The following PPOX variants were observed in gnomAD, a reference collection of about 807,000 sequenced individuals.
PPOX encodes variegate porphyria.
A neutral mutation model predicts 54.1 loss-of-function variants in PPOX; 23 were observed. The observed-to-expected ratio is 0.43, with a 90% confidence interval of 0.31 to 0.60. The LOEUF (loss-of-function observed/expected upper bound fraction) is 0.60, where lower values mean the gene tolerates loss of function less well. Among genes scored for constraint, PPOX ranks in the 20% least tolerant of loss-of-function variants. PPOX has a pLI of 0.13. For synonymous variants in PPOX, 224 were observed against 236.1 expected, an observed-to-expected ratio of 0.95 and a Z score of 0.47; for missense variants, 512 against 601.1, an observed-to-expected ratio of 0.85 and a Z score of 1.55.
intron 4 of PPOX, 120 bp from the exon 5 acceptor site, chr1:161,167,872 TTTC>T (rs1430957453): frequency 6.6e-7 from 1 of 1,510,152 alleles, no homozygotes; most frequent in Non-Finnish European, 9.2e-7. Flanking sequence ...CTGCCTTCCA[TTTC>T]TTCATCTCCC....
chr1:161,166,567 A>G lies in PPOX; in HGVS notation c.-114A>G, dbSNP rs1362096477. On this transcript the variant is annotated 5_prime_UTR_variant, in exon 1 of 13. In the 5' UTR this introduces an upstream ATG that the reference lacks. Transcript: ENST00000367999. ...CCGCCCGAGCCCTGCGAGGGCCGAT[A>G]GCGAGGGTGTGGCCCTTATCTGCAC... 7.1e-7 allele frequency: 1 copy of G among 1,403,378 alleles called. No individual in the cohort carries two copies. Among genetic ancestry groups the G allele is most frequent in the Non-Finnish European group, 9.3e-7 (1 of 1,079,280 alleles). 86.9% of individuals were successfully genotyped at this position (1,403,378 alleles called of 1,614,324 possible). A position where few individuals can be genotyped will look rare whatever the true frequency, so the allele number is the denominator to read the frequency against.
chr1:161,172,887 G>A (rs544892794), downstream of PPOX, among the ~76,000 whole-genome samples: 79 of 149,166 alleles, frequency 5.3e-4, no homozygotes, highest in Admixed American at 1.5e-3. Flanking sequence ...AAAAAAAAAC[G>A]AAAGAAAGAA....
rs781742044 is a variant in PPOX at position 161,170,522 on chromosome 1, G to A, written c.1098+3G>A. On this transcript the variant is annotated splice_donor_region_variant and intron_variant, in intron 10 of 12. Coordinates refer to ENST00000367999, the MANE Select transcript of PPOX (RefSeq NM_001122764.3). ...GCCCCCCTGGCCTCAGAGTGACTGT[G>A]AGGAGGAGGAAACTTTGCCTAGTGG... The A allele has an allele frequency of 2.5e-6, 4 of 1,614,080 alleles. No homozygotes were observed. The highest frequency in any genetic ancestry group is 2.7e-5 in the African/African-American group (2 of 74,946).
intron 6 of PPOX, 122 bp downstream of exon 6, chr1:161,168,698 C>A: frequency 7.4e-7 from 1 of 1,355,178 alleles, no homozygotes; most frequent in Non-Finnish European, 1.0e-6. Flanking sequence ...TGCTCTGCTG[C>A]CTAGGCTGGA....
downstream of PPOX, among the ~76,000 whole-genome samples, chr1:161,173,368 C>T (rs1662217853): frequency 6.6e-6 from 1 of 152,210 alleles, no homozygotes; most frequent in Non-Finnish European, 1.5e-5. Flanking sequence ...GATACTATTT[C>T]CTATTGATCT....
intron 9 of PPOX, 88 bp from the exon 10 acceptor site, chr1:161,170,321 T>TGGGGGGGGGCCCCCCCCCC: frequency 2.7e-6 from 1 of 367,766 alleles, no homozygotes. Flanking sequence ...TGAGACTCTG[T>TGGGGGGGGGCCCCCCCCCC]CCCCCCCACC....
rs772713226 is a variant in PPOX, at chr1:161,168,560, C to T, written c.600C>T (p.Gly200=). 14 of 1,613,872 alleles carry T rather than the reference C, an allele frequency of 8.7e-6. No homozygotes were observed. The highest frequency in any genetic ancestry group is 1.7e-5 in the Admixed American group (1 of 59,982). Residue 200 remains glycine, a synonymous_variant, in exon 6 of 13, where the codon GGC becomes GGT. Coordinates refer to ENST00000367999, the MANE Select transcript of PPOX (RefSeq NM_001122764.3). ...AEQTHRSILL[G]LLLGAGRTPQ... is the part of the protein sequence containing the mutation. ...AAACCCATCGTTCCATATTACTGGG[C>T]CTGCTGCTGGGGGCAGGTGAGGGGG...
intron 8 of PPOX, 69 bp downstream of exon 8, chr1:161,169,789 G>A: frequency 6.2e-7 from 1 of 1,612,484 alleles, no homozygotes; most frequent in Non-Finnish European, 8.5e-7. Context: ...ACCTTCCTGG[G>A]TCAGCAGGAC....
rs1231296352 is a variant in PPOX at position 161,171,098 on chromosome 1, G to A, written c.1356G>A (p.Glu452=). 1 of 1,614,116 alleles carries A rather than the reference G, an allele frequency of 6.2e-7. No individual in the cohort carries two copies. ...LPLTLAGASY[E]GVAVNDCIES... Reference sequence around the variant, plus strand: ...TGACTCTGGCTGGAGCCTCCTATGAGGGAGTTGCTGTTAATGACTGTATAG... The same window carrying A: ...TGACTCTGGCTGGAGCCTCCTATGAAGGAGTTGCTGTTAATGACTGTATAG... The change falls in exon 13 of 13, where the codon GAG becomes GAA. Residue 452 remains glutamate, a synonymous_variant. Transcript: ENST00000367999.
intron 9 of PPOX, 136 bp from the exon 10 acceptor site, chr1:161,170,273 T>C: frequency 2.3e-6 from 2 of 872,646 alleles, no homozygotes; most frequent in Non-Finnish European, 3.7e-6. Context: ...TGCAGTGAGC[T>C]GAGATCTCGC....
At chr1:161,169,512 A>C in intron 7 of PPOX, 148 bp from the exon 8 acceptor site, 3 of 851,962 alleles carry the variant, frequency 3.5e-6, no homozygotes, top group Non-Finnish European at 4.0e-6. Context: ...TGAAGTCTAC[A>C]TAGTCACCCA....
chr1:161,176,959 G>C lies in PPOX; in HGVS notation c.483G>C (p.Gly161=), dbSNP rs1043629771. 7 of 1,536,022 alleles carry C rather than the reference G, an allele frequency of 4.6e-6. No homozygotes were observed. In the African/African-American group the frequency reaches 9.6e-5, roughly 21 times the overall value. ...CTCCTTCTATTCTTCATGTGCCTGG[G>C]TGCCAACTCCTCAGGTGCAGGGACC... The change falls in exon 5 of 5, where the codon GGG becomes GGC. Residue 161 remains glycine (G), a synonymous_variant. Coordinates refer to the PPOX transcript ENST00000497522.
At chr1:161,175,703 C>A, downstream of PPOX, 1 of 1,509,754 alleles carries the variant, frequency 6.6e-7, no homozygotes, top group African/African-American at 1.4e-5. Flanking sequence ...GCCTACCTAT[C>A]CTCTTCTAAG....
At chr1:161,177,039 T>G in exon 5 of PPOX, 1 of 1,528,158 alleles carries the variant, frequency 6.5e-7, no homozygotes. Context: ...GAGAGTAGGG[T>G]GGGGGTGGCG....
downstream of PPOX, chr1:161,177,699 G>A (rs1664118189): frequency 6.5e-6 from 1 of 153,074 alleles, no homozygotes; most frequent in African/African-American, 2.4e-5. Flanking sequence ...GACTGCTAGT[G>A]GGATTTCATT....
chr1:161,174,684 G>A (rs1285663380), downstream of PPOX, among the ~76,000 whole-genome samples: 2 of 152,166 alleles, frequency 1.3e-5, no homozygotes, highest in Non-Finnish European at 2.9e-5. Context: ...ATCTTGCTCA[G>A]AGTCATACAT....
chr1:161,174,871 ACT>A (rs1221390541), downstream of PPOX: 3 of 1,065,418 alleles, frequency 2.8e-6, no homozygotes, highest in African/African-American at 4.8e-5. Flanking sequence ...GCTTCTCCAC[ACT>A]CTAACAGTCT....
intron 5 of PPOX, 91 bp downstream of exon 5, chr1:161,168,218 A>C: frequency 6.2e-7 from 1 of 1,600,792 alleles, no homozygotes; most frequent in Non-Finnish European, 8.5e-7. Context: ...GCTCTTCTGT[A>C]TCATTTGGGG....
chr1:161,177,193 T>C (rs1033335201), downstream of PPOX: 40 of 952,128 alleles, frequency 4.2e-5, 1 homozygote, highest in African/African-American at 4.8e-4. Context: ...GTCCGCGCTG[T>C]GGAGGGGGTT....
Sources: gnomAD v4.1 joint callset for allele counts (sites outside exome capture counted in the v4.1 genomes callset) on GRCh38, gnomAD v4.1.1 for gene constraint, MANE v1.5 for transcripts, NCBI Gene and HGNC (gene_info 2026-07-23, HGNC 2026-07-21) for gene names.